Variants in MYH10 observed in about 807,000 individuals in gnomAD.
The protein encoded by MYH10 is myosin-10.
In MYH10, 55 loss-of-function variants were observed where a neutral mutation model predicts 257.8. The observed-to-expected ratio is 0.21, with a 90% CI of 0.17 to 0.27. The LOEUF is 0.27. Among genes scored for constraint, MYH10 ranks in the 10% least tolerant of loss-of-function variants. MYH10 has a pLI of 1.00. For synonymous variants in MYH10, 854 were observed against 921.7 expected (o/e 0.93, Z 1.33); for missense variants, 1,631 against 2,500.6 (o/e 0.65, Z 7.42).
chr17:8,550,544 C>CCGCCCTG (rs1597805140), intron 9 of MYH10, among the ~76,000 whole-genome samples: 1 of 151,078 alleles, frequency 6.6e-6, no homozygotes, highest in East Asian at 2.0e-4. Context: ...GCCCGGCCAG[C>CCGCCCTG]CGCCCTGCCC....
At chr17:8,538,859 G>C (rs1043908653) in intron 14 of MYH10, among the ~76,000 whole-genome samples, 4 of 152,154 alleles carry the variant, frequency 2.6e-5, no homozygotes, top group African/African-American at 4.8e-5. Flanking sequence ...TGTGTTCCCT[G>C]AAAGTTCACA....
intron 16 of MYH10, among the ~76,000 whole-genome samples, chr17:8,533,874 C>T (rs781198677): frequency 1.3e-5 from 2 of 152,210 alleles, no homozygotes; most frequent in Non-Finnish European, 2.9e-5. Flanking sequence ...GTAACCTACA[C>T]AGTCTCCAAC....
Position 8,552,799 on chromosome 17 carries a change from CGG to C in MYH10, c.821-657_821-656del, listed in dbSNP as rs1324348862. Among the ~76,000 whole-genome samples the C allele has an allele frequency of 6.6e-6, 1 of 152,180 alleles. No homozygotes were observed. Among genetic ancestry groups the C allele is most frequent in the Non-Finnish European group, 1.5e-5 (1 of 68,046 alleles). ...TCTTCCCTCTGCTGCTCTGAAGAAC[CGG>C]TGCGGCCAGTACCTACGCCTGCTGC... On this transcript the variant is annotated intron_variant, in intron 8 of 42. Coordinates refer to ENST00000360416, the MANE Select transcript of MYH10 (RefSeq NM_001256012.3). This position sits in a 1 kb window ranked among gnomAD's most constrained non-coding sequence, Gnocchi z 4.8.
rs1427828336 is a variant in MYH10 at position 8,535,121 on chromosome 17, G to A, written c.1894+266C>T. On this transcript the variant is annotated intron_variant, in intron 16 of 42. Coordinates refer to ENST00000360416, the MANE Select transcript of MYH10 (RefSeq NM_001256012.3). This position sits in a 1 kb window ranked among gnomAD's most constrained non-coding sequence, Gnocchi z 4.3. Reference sequence around the variant, plus strand: ...GGGACTGTGGTGGCCTAAGTCATACGTGTACGTCTTTGTGGCTCCGGGCCT... The same window carrying A: ...GGGACTGTGGTGGCCTAAGTCATACATGTACGTCTTTGTGGCTCCGGGCCT... 2.0e-5 allele frequency among the ~76,000 whole-genome samples: 3 copies of A among 152,130 alleles called. No homozygotes were observed. Among genetic ancestry groups the A allele is most frequent in the East Asian group, 1.9e-4 (1 of 5,202 alleles).
chr17:8,583,501 C>T (rs1198586658), intron 4 of MYH10, among the ~76,000 whole-genome samples: 4 of 151,878 alleles, frequency 2.6e-5, no homozygotes, highest in Non-Finnish European at 5.9e-5. Flanking sequence ...AATAGTTATT[C>T]TCATATGGCA....
At chr17:8,531,326 T>A (rs571319234) in intron 16 of MYH10, among the ~76,000 whole-genome samples, 4 of 152,200 alleles carry the variant, frequency 2.6e-5, no homozygotes, top group African/African-American at 9.6e-5. Context: ...AGGAGGTACA[T>A]TGACATGAAA....
chr17:8,591,510 A>G (rs1010035384), intron 3 of MYH10, among the ~76,000 whole-genome samples: 1 of 152,184 alleles, frequency 6.6e-6, no homozygotes, highest in African/African-American at 2.4e-5. Flanking sequence ...CACTCTCAAT[A>G]TGAATCTTCA....
In MYH10 at chr17:8,609,593, A is replaced by C. The variant is rs375472453; in HGVS notation, c.346-4611T>G. ...AGTCTACGTATTAGGACAGAAATGC[A>C]TAAGAAAAAAAATAGGTGACCAGGG... is the stretch of plus-strand genomic sequence containing the variant. On this transcript the variant is annotated intron_variant, in intron 2 of 42. Coordinates refer to ENST00000360416, the MANE Select transcript of MYH10 (RefSeq NM_001256012.3). 3.3e-5 allele frequency among the ~76,000 whole-genome samples: 5 copies of C among 152,346 alleles called. No homozygotes were observed. In the East Asian group the frequency reaches 9.6e-4, roughly 29 times the overall value.
At chr17:8,484,067 T>C (rs1209645087) in intron 37 of MYH10, 71 bp downstream of exon 37, 7 of 1,303,296 alleles carry the variant, frequency 5.4e-6, no homozygotes, top group Non-Finnish European at 6.2e-6. Context: ...ATATATTAAC[T>C]TTTTTTTGAT....
At chr17:8,608,424 C>T (rs1414691271) in intron 2 of MYH10, among the ~76,000 whole-genome samples, 1 of 152,170 alleles carries the variant, frequency 6.6e-6, no homozygotes, top group African/African-American at 2.4e-5. Flanking sequence ...AGACCGAAGT[C>T]AAAGAGGACT....
intron 2 of MYH10, among the ~76,000 whole-genome samples, chr17:8,607,617 C>T (rs2084860651): frequency 6.6e-6 from 1 of 152,150 alleles, no homozygotes; most frequent in Non-Finnish European, 1.5e-5. Flanking sequence ...TGAATAGATA[C>T]TGCACCAGTT....
intron 9 of MYH10, among the ~76,000 whole-genome samples, chr17:8,549,754 G>C (rs1243402647): frequency 6.6e-6 from 1 of 152,054 alleles, no homozygotes; most frequent in African/African-American, 2.4e-5. Flanking sequence ...GCTGAGCCGA[G>C]GCTGGACTGT....
At position 8,480,392 on chromosome 17, in the gene MYH10, C is replaced by G; in HGVS notation, c.5388+10G>C. 6.2e-7 allele frequency: 1 copy of G among 1,613,360 alleles called. No individual in the cohort carries two copies. The highest frequency in any genetic ancestry group is 1.1e-5 in the South Asian group (1 of 91,068). ...GCCCTCCCTGGGTGACGGGCTCCTGCATGGGCCACCTGTAGAGTGGTCTTG... is the reference window on the plus strand; with the variant it reads ...GCCCTCCCTGGGTGACGGGCTCCTGGATGGGCCACCTGTAGAGTGGTCTTG... On this transcript the variant is annotated intron_variant, in intron 39 of 42. Coordinates refer to ENST00000360416, the MANE Select transcript of MYH10 (RefSeq NM_001256012.3).
At chr17:8,573,950 G>C (rs2083424531) in intron 6 of MYH10, 2 of 321,862 alleles carry the variant, frequency 6.2e-6, no homozygotes, top group Non-Finnish European at 8.9e-6. Context: ...ACATGTTCCT[G>C]GTGGCAATGT....
chr17:8,612,050 T>C lies in MYH10; in HGVS notation c.346-7068A>G, dbSNP rs2085059058. Among the ~76,000 whole-genome samples, 5 of 152,354 alleles carry C rather than the reference T, an allele frequency of 3.3e-5. No individual in the cohort carries two copies. The South Asian group carries it at 1.0e-3, about 32-fold the overall frequency. On this transcript the variant is annotated intron_variant, in intron 2 of 42. Transcript: ENST00000360416. ...AGTTCATACATTTTAAATTGTGCACTATTCTGAGTAGTGTGATGAAATCTG... is the reference window on the plus strand; with the variant it reads ...AGTTCATACATTTTAAATTGTGCACCATTCTGAGTAGTGTGATGAAATCTG...
Position 8,535,056 on chromosome 17 carries a change from C to A in MYH10, c.1894+331G>T, listed in dbSNP as rs1044073410. ...GGAAAATGGAATGAGCAGGCCTTCT[C>A]GGGTTTTGTGTTCCAGTGTTCCTGG... On this transcript the variant is annotated intron_variant, in intron 16 of 42. Coordinates refer to ENST00000360416, the MANE Select transcript of MYH10 (RefSeq NM_001256012.3). The surrounding 1 kb of genome is among the most constrained non-coding windows in gnomAD (Gnocchi z 4.3). 6.6e-6 allele frequency among the ~76,000 whole-genome samples: 1 copy of A among 152,092 alleles called. No homozygotes were observed. Among genetic ancestry groups the A allele is most frequent in the Non-Finnish European group, 1.5e-5 (1 of 68,016 alleles).
Position 8,488,835 on chromosome 17 carries a change from G to A in MYH10, c.4885-1241C>T, listed in dbSNP as rs7218683. On this transcript the variant is annotated intron_variant, in intron 35 of 42. Transcript: ENST00000360416. Reference sequence around the variant, plus strand: ...GCAGAGACCTGGGGCTGTACCTCAAGGCACAGGATAGCAGAAGGCTCCTAA... The same window carrying A: ...GCAGAGACCTGGGGCTGTACCTCAAAGCACAGGATAGCAGAAGGCTCCTAA... 0.92 allele frequency among the ~76,000 whole-genome samples: 139,610 copies of A among 152,146 alleles called. 65,264 individuals carry two copies. The highest frequency in any genetic ancestry group is 1 in the East Asian group (5,124 of 5,124).
At chr17:8,495,631 T>C (rs1916464547) in intron 30 of MYH10, among the ~76,000 whole-genome samples, 1 of 152,210 alleles carries the variant, frequency 6.6e-6, no homozygotes, top group Non-Finnish European at 1.5e-5. Flanking sequence ...TTCACACGAA[T>C]ATGCGTTAAC....
At chr17:8,489,389 CAAAAT>C (rs1298089860) in intron 35 of MYH10, among the ~76,000 whole-genome samples, 24 of 152,230 alleles carry the variant, frequency 1.6e-4, no homozygotes, top group Non-Finnish European at 2.1e-4. Flanking sequence ...GTGAAAATAA[CAAAAT>C]AAAGCAAAAT....
Sources: allele counts gnomAD v4.1 joint callset (sites outside exome capture counted in the v4.1 genomes callset), GRCh38; gene constraint gnomAD v4.1.1; non-coding constraint Gnocchi (gnomAD v3.1); transcripts MANE v1.5; gene names NCBI Gene and HGNC (gene_info 2026-07-23, HGNC 2026-07-21).